The following ATAD2B variants were observed in gnomAD, a reference collection of about 807,000 sequenced individuals.
ATAD2B encodes the protein ATPase family AAA domain-containing protein 2B.
A neutral mutation model predicts 167.6 loss-of-function variants in ATAD2B; 40 were observed. That is an observed-to-expected ratio of 0.24 (90% CI 0.19 to 0.31). The LOEUF is 0.31. ATAD2B is among the 10% of genes least tolerant of loss of function. The pLI is 1.00. For missense variants in ATAD2B, 1,242 were observed against 1,757.2 expected (o/e 0.71, Z 5.24); for synonymous variants, 579 against 596.5 (o/e 0.97, Z 0.43).
At chr2:23,734,714 T>C in the ATAD2B span, among the ~76,000 whole-genome samples, 1 of 152,106 alleles carries the variant, frequency 6.6e-6, no homozygotes, top group Non-Finnish European at 1.5e-5. Flanking sequence ...TGCCTCCATG[T>C]TCCAATCACC....
chr2:23,710,870 T>A, the ATAD2B span, among the ~76,000 whole-genome samples: 19 of 152,294 alleles, frequency 1.2e-4, 1 homozygote, highest in Admixed American at 1.1e-3. Context: ...CATCCAGGGT[T>A]TTGGTATCCC....
At chr2:23,693,436 G>A in the ATAD2B span, 17 of 1,551,730 alleles carry the variant, frequency 1.1e-5, no homozygotes, top group Admixed American at 9.8e-5. Context: ...CATCGCCTAC[G>A]TCTCCAACGA....
the ATAD2B span, among the ~76,000 whole-genome samples, chr2:23,723,226 G>A: frequency 5.3e-5 from 8 of 152,160 alleles, no homozygotes; most frequent in Admixed American, 3.9e-4. Flanking sequence ...CCAGGAAGTC[G>A]AGACTGTGGT....
chr2:23,706,808 A>G, the ATAD2B span: 10 of 581,380 alleles, frequency 1.7e-5, 1 homozygote, highest in South Asian at 2.9e-4. Context: ...AATATTCTCT[A>G]CATTGAATGT....
At chr2:23,803,145 G>A (rs1199452851) in intron 18 of ATAD2B, among the ~76,000 whole-genome samples, 1 of 152,128 alleles carries the variant, frequency 6.6e-6, no homozygotes, top group Non-Finnish European at 1.5e-5. Context: ...TTTTAAGAGT[G>A]TTAATACCAA....
intron 12 of ATAD2B, among the ~76,000 whole-genome samples, chr2:23,859,986 G>A (rs576721891): frequency 6.6e-6 from 1 of 152,162 alleles, no homozygotes; most frequent in South Asian, 2.1e-4. Flanking sequence ...CATTGTGACA[G>A]GTATTGGGAG....
intron 6 of ATAD2B, among the ~76,000 whole-genome samples, chr2:23,882,443 G>A (rs889213981): frequency 1.5e-5 from 2 of 134,796 alleles, no homozygotes; most frequent in African/African-American, 5.7e-5. Context: ...TGATCCACCC[G>A]CCTCAGCCTC....
chr2:23,719,457 TC>T, the ATAD2B span, among the ~76,000 whole-genome samples: 2 of 151,966 alleles, frequency 1.3e-5, no homozygotes, highest in African/African-American at 4.8e-5. Flanking sequence ...TTGTTTCACT[TC>T]CCCCACTCCA....
At chr2:23,761,626 A>G (rs773717816) in intron 24 of ATAD2B, among the ~76,000 whole-genome samples, 1 of 152,266 alleles carries the variant, frequency 6.6e-6, no homozygotes, top group African/African-American at 2.4e-5. Flanking sequence ...GAAGAACTCT[A>G]TTAGAAAGAC....
At chr2:23,688,636 G>A in the ATAD2B span, 1 of 152,154 alleles carries the variant, frequency 6.6e-6, no homozygotes, top group Admixed American at 6.5e-5. Flanking sequence ...GGAAGCTCTG[G>A]TCTTCTGACA....
In ATAD2B at chr2:23,784,751, T is replaced by C. The variant is rs983029066; in HGVS notation, c.2973+1276A>G. On this transcript the variant is annotated intron_variant, in intron 21 of 27. Transcript: ENST00000238789. Reference sequence around the variant, plus strand: ...ATAATTTTTTAATCGGCTGATAGTTTTAAAATTATTTAAAAACACTATGGG... The same window carrying C: ...ATAATTTTTTAATCGGCTGATAGTTCTAAAATTATTTAAAAACACTATGGG... Among the ~76,000 whole-genome samples the C allele has an allele frequency of 1.1e-3, 169 of 150,902 alleles. 1 individual carries two copies. Among genetic ancestry groups the C allele is most frequent in the African/African-American group, 4.1e-3 (165 of 40,678 alleles).
intron 18 of ATAD2B, among the ~76,000 whole-genome samples, chr2:23,800,637 CATG>C (rs1164762610): frequency 6.6e-6 from 1 of 151,960 alleles, no homozygotes; most frequent in East Asian, 1.9e-4. Flanking sequence ...TCAAATTGAA[CATG>C]ATGTTGTATT....
At chr2:23,747,601 C>T (rs1021789274), downstream of ATAD2B, among the ~76,000 whole-genome samples, 1 of 152,046 alleles carries the variant, frequency 6.6e-6, no homozygotes, top group Non-Finnish European at 1.5e-5. Flanking sequence ...GAACTCTGAA[C>T]GTTATTGTGT....
intron 15 of ATAD2B, among the ~76,000 whole-genome samples, chr2:23,827,490 T>C (rs1258017872): frequency 6.6e-6 from 1 of 152,206 alleles, no homozygotes; most frequent in African/African-American, 2.4e-5. Context: ...ATTTCCAAAA[T>C]GATTTGACAA....
chr2:23,712,527 TCA>T, the ATAD2B span, among the ~76,000 whole-genome samples: 1 of 152,146 alleles, frequency 6.6e-6, no homozygotes, highest in Non-Finnish European at 1.5e-5. Context: ...GCTTGTGGAA[TCA>T]CAGCCTCGGC....
chr2:23,772,991 C>T (rs762216974), intron 22 of ATAD2B, among the ~76,000 whole-genome samples: 4 of 152,192 alleles, frequency 2.6e-5, no homozygotes, highest in Non-Finnish European at 5.9e-5. Flanking sequence ...ATCTGCCTAC[C>T]TCGGTCTCCC....
chr2:23,823,439 G>A lies in ATAD2B; in HGVS notation c.1950C>T (p.Ala650=). ...TCTGCATTGCATGGTAAAAATCTTG[G>A]GCACTAAGCACTATTGAGGAAACAT... is the stretch of plus-strand genomic sequence containing the variant. ...QLDVSSIVLS[A]QDFYHAMQNI... The change falls in exon 16 of 28, where the codon GCC becomes GCT. Residue 650 remains alanine (A), a synonymous_variant. Coordinates refer to ENST00000238789, the MANE Select transcript of ATAD2B (RefSeq NM_017552.4). 1 of 1,613,916 alleles carries A rather than the reference G, an allele frequency of 6.2e-7. No individual in the cohort carries two copies. Among genetic ancestry groups the A allele is most frequent in the Non-Finnish European group, 8.5e-7 (1 of 1,179,878 alleles).
At chr2:23,779,162 T>A (rs1026490480) in intron 22 of ATAD2B, among the ~76,000 whole-genome samples, 1 of 145,568 alleles carries the variant, frequency 6.9e-6, no homozygotes, top group Non-Finnish European at 1.5e-5. Context: ...GGTATAATTT[T>A]TTTTTTCTTT....
chr2:23,857,592 G>A (rs1693620525), intron 12 of ATAD2B, 89 bp from the exon 13 acceptor site: 1 of 561,260 alleles, frequency 1.8e-6, no homozygotes, highest in South Asian at 3.2e-5. Flanking sequence ...AAAAGCAAAT[G>A]GTACAACATG....
Sources: allele counts gnomAD v4.1 joint callset (sites outside exome capture counted in the v4.1 genomes callset), GRCh38; gene constraint gnomAD v4.1.1; transcripts MANE v1.5; gene names NCBI Gene and HGNC (gene_info 2026-07-23, HGNC 2026-07-21).